Variants in ADAMTSL3 observed in about 807,000 individuals in gnomAD.
The protein encoded by ADAMTSL3 is ADAMTS like 3.
In ADAMTSL3, 128 loss-of-function variants were observed where a neutral mutation model predicts 201.7. The ratio of observed to expected loss-of-function variants is 0.63; its 90% CI spans 0.55 to 0.73. The LOEUF (loss-of-function observed/expected upper bound fraction) is 0.73. ADAMTSL3 is among the 30% of genes least tolerant of loss of function. The probability of loss-of-function intolerance (pLI) is 0.00; values close to 1 mark genes in which losing one functional copy is unlikely to be tolerated. For missense variants in ADAMTSL3, 1,990 were observed against 2,119.6 expected (o/e 0.94, Z 1.20); for synonymous variants, 738 against 748.4 (o/e 0.99, Z 0.23).
chr15:83,727,361 TG>T (rs2062195273), intron 3 of ADAMTSL3, among the ~76,000 whole-genome samples: 1 of 151,948 alleles, frequency 6.6e-6, no homozygotes, highest in Non-Finnish European at 1.5e-5. Context: ...TGATTTTTTT[TG>T]TATTTTTTGT....
intron 3 of ADAMTSL3, 143 bp downstream of exon 3, chr15:83,704,651 C>A: frequency 9.0e-7 from 1 of 1,105,270 alleles, no homozygotes; most frequent in Non-Finnish European, 1.3e-6. Flanking sequence ...TGAAGGATCC[C>A]AGAATATGTG....
chr15:83,830,344 GT>G (rs1164013871), intron 6 of ADAMTSL3, among the ~76,000 whole-genome samples: 1 of 152,204 alleles, frequency 6.6e-6, no homozygotes, highest in African/African-American at 2.4e-5. Context: ...CAGAGTCCTG[GT>G]GCCCATAATT....
chr15:83,905,188 A>G (rs1253349174), intron 15 of ADAMTSL3, among the ~76,000 whole-genome samples: 1 of 152,218 alleles, frequency 6.6e-6, no homozygotes, highest in Non-Finnish European at 1.5e-5. Context: ...TCCTGAATTC[A>G]AGTTTCACCC....
intron 28 of ADAMTSL3, among the ~76,000 whole-genome samples, chr15:84,034,425 C>T (rs2068466245): frequency 6.6e-6 from 1 of 152,096 alleles, no homozygotes; most frequent in Non-Finnish European, 1.5e-5. Flanking sequence ...ACTATATGCC[C>T]TGGGAAGGTT....
At chr15:83,884,962 T>G in intron 9 of ADAMTSL3, 139 bp from the exon 10 acceptor site, 1 of 598,348 alleles carries the variant, frequency 1.7e-6, no homozygotes, top group Non-Finnish European at 2.9e-6. Flanking sequence ...ATCTTAAACT[T>G]ATTGGACTCT....
intron 2 of ADAMTSL3, among the ~76,000 whole-genome samples, chr15:83,668,049 C>G (rs949923672): frequency 4.6e-5 from 7 of 152,098 alleles, no homozygotes; most frequent in African/African-American, 1.7e-4. Flanking sequence ...TATTCATTTT[C>G]TGTCTCGTAC....
chr15:83,659,221 C>G, intron 2 of ADAMTSL3, among the ~76,000 whole-genome samples: 1 of 152,150 alleles, frequency 6.6e-6, no homozygotes. Context: ...ACAGATCCCT[C>G]GAGGCCACAG....
At chr15:83,744,236 A>G (rs1205356187) in intron 3 of ADAMTSL3, among the ~76,000 whole-genome samples, 1 of 152,174 alleles carries the variant, frequency 6.6e-6, no homozygotes. Flanking sequence ...AGTTCCAGAA[A>G]AAGCAGGGCT....
At chr15:83,666,905 T>C (rs1051228241) in intron 2 of ADAMTSL3, among the ~76,000 whole-genome samples, 2 of 151,930 alleles carry the variant, frequency 1.3e-5, no homozygotes, top group Non-Finnish European at 2.9e-5. Context: ...GTATGCCCCA[T>C]TTTTCTATGA....
intron 5 of ADAMTSL3, among the ~76,000 whole-genome samples, chr15:83,808,813 C>G (rs2063645317): frequency 6.6e-6 from 1 of 150,918 alleles, no homozygotes. Context: ...GAAGGAAATG[C>G]TGTCATTTGT....
At chr15:83,935,829 A>C (rs1467333143) in intron 17 of ADAMTSL3, among the ~76,000 whole-genome samples, 12 of 152,118 alleles carry the variant, frequency 7.9e-5, no homozygotes, top group African/African-American at 2.2e-4. Flanking sequence ...GGTGTCAACA[A>C]AGTAGTCTTA....
chr15:83,871,578 G>T (rs1471255807), intron 9 of ADAMTSL3, among the ~76,000 whole-genome samples: 1 of 152,012 alleles, frequency 6.6e-6, no homozygotes, highest in African/African-American at 2.4e-5. Flanking sequence ...TCAAGATCAG[G>T]ATTTGCTTCC....
intron 2 of ADAMTSL3, among the ~76,000 whole-genome samples, chr15:83,665,148 G>A (rs2061231784): frequency 6.6e-6 from 1 of 152,132 alleles, no homozygotes; most frequent in Admixed American, 6.5e-5. Context: ...GTGGACAAGA[G>A]GATATGAACG....
chr15:83,714,858 C>T (rs1351917833), intron 3 of ADAMTSL3, among the ~76,000 whole-genome samples: 1,270 of 40,964 alleles, frequency 0.031, 47 homozygotes, highest in Non-Finnish European at 0.037. Flanking sequence ...CTTTCCCTCC[C>T]TCCCTCCCTC....
chr15:83,976,994 A>G (rs2067299664), intron 20 of ADAMTSL3, among the ~76,000 whole-genome samples: 3 of 150,966 alleles, frequency 2.0e-5, no homozygotes, highest in African/African-American at 7.3e-5. Context: ...GGGGTCCCCA[A>G]CCCCCAAGCC....
intron 20 of ADAMTSL3, among the ~76,000 whole-genome samples, chr15:83,977,787 G>A (rs546825312): frequency 6.6e-6 from 1 of 152,324 alleles, no homozygotes; most frequent in African/African-American, 2.4e-5. Flanking sequence ...ACTGAAATTG[G>A]TGGAAGAGTA....
chr15:83,982,024 T>C (rs2067392427), intron 20 of ADAMTSL3, among the ~76,000 whole-genome samples: 1 of 152,170 alleles, frequency 6.6e-6, no homozygotes, highest in South Asian at 2.1e-4. Flanking sequence ...TTTTATCAAA[T>C]CACTTACACA....
chr15:83,679,212 T>C (rs1384232948), intron 2 of ADAMTSL3, among the ~76,000 whole-genome samples: 2 of 152,120 alleles, frequency 1.3e-5, no homozygotes, highest in Non-Finnish European at 2.9e-5. Context: ...CTATTTCTTT[T>C]ATGAGATTTT....
intron 3 of ADAMTSL3, among the ~76,000 whole-genome samples, chr15:83,764,752 C>G (rs555413157): frequency 6.6e-6 from 1 of 152,178 alleles, no homozygotes; most frequent in South Asian, 2.1e-4. Context: ...GTACCCTGTC[C>G]ACTACCTTGG....
Sources: gnomAD v4.1 joint callset for allele counts (sites outside exome capture counted in the v4.1 genomes callset) on GRCh38, gnomAD v4.1.1 for gene constraint, MANE v1.5 for transcripts, NCBI Gene and HGNC (gene_info 2026-07-23, HGNC 2026-07-21) for gene names.